Variants in PEAK1 observed in about 807,000 individuals in gnomAD.
The protein encoded by PEAK1 is inactive tyrosine-protein kinase PEAK1.
In PEAK1, 54 loss-of-function variants were observed where a neutral mutation model predicts 124.7. That is an observed-to-expected ratio of 0.43 (90% CI 0.35 to 0.54). The LOEUF is 0.54. PEAK1 is among the 20% of genes least tolerant of loss of function. PEAK1 has a pLI of 0.01. For synonymous variants in PEAK1, 719 were observed against 760.0 expected (o/e 0.95, Z 0.89); for missense variants, 2,046 against 2,134.5 (o/e 0.96, Z 0.82).
chr15:77,253,245 T>TGGG (rs59178188), intron 5 of PEAK1, among the ~76,000 whole-genome samples: 22 of 129,806 alleles, frequency 1.7e-4, no homozygotes, highest in South Asian at 2.6e-4. Context: ...TGGTATGCGT[T>TGGG]GGGGGGGGGG....
At chr15:77,301,060 C>T (rs1046718497) in intron 2 of PEAK1, among the ~76,000 whole-genome samples, 3 of 151,976 alleles carry the variant, frequency 2.0e-5, no homozygotes, top group African/African-American at 7.2e-5. Flanking sequence ...GCCATGTTGT[C>T]CAGGCTGGTC....
At chr15:77,207,006 A>C (rs1472957869) in intron 6 of PEAK1, among the ~76,000 whole-genome samples, 10 of 152,106 alleles carry the variant, frequency 6.6e-5, no homozygotes, top group South Asian at 2.1e-4. Flanking sequence ...GAAAAACAAG[A>C]AATGGGGAAA....
Position 77,286,523 on chromosome 15 carries a change from TG to T in PEAK1, c.-602-20del. ...TCTTTTCCTATTAGAAGATGCAAAGTGGGGAAGATATATTAATAAAGGGCAT... is the reference window on the plus strand; with the variant it reads ...TCTTTTCCTATTAGAAGATGCAAAGTGGGAAGATATATTAATAAAGGGCAT... On this transcript the variant is annotated intron_variant, in intron 2 of 9. Coordinates refer to ENST00000682557, the MANE Select transcript of PEAK1 (RefSeq NM_001385026.1). 8.5e-7 allele frequency: 1 copy of T among 1,173,638 alleles called. No individual in the cohort carries two copies. Among genetic ancestry groups the T allele is most frequent in the Non-Finnish European group, 1.1e-6 (1 of 935,330 alleles). The allele number at this position is 1,173,638 out of a possible 1,614,324, so 72.7% of individuals were successfully genotyped here. A position where few individuals can be genotyped will look rare whatever the true frequency, so the allele number is the denominator to read the frequency against.
At chr15:77,231,812 C>T (rs979184798) in intron 6 of PEAK1, among the ~76,000 whole-genome samples, 28 of 152,054 alleles carry the variant, frequency 1.8e-4, no homozygotes, top group African/African-American at 2.7e-4. Context: ...ATAATTGTTA[C>T]ACTCATTTCC....
chr15:77,257,738 C>T (rs913578937), intron 5 of PEAK1, among the ~76,000 whole-genome samples: 43 of 152,174 alleles, frequency 2.8e-4, no homozygotes, highest in African/African-American at 1.0e-3. Flanking sequence ...TTAACTAGAT[C>T]CCATTTGTCA....
chr15:77,290,947 A>T (rs977586036), intron 2 of PEAK1, among the ~76,000 whole-genome samples: 3 of 152,200 alleles, frequency 2.0e-5, no homozygotes, highest in Non-Finnish European at 4.4e-5. Context: ...GGTCTGTATC[A>T]TTTTTATTTT....
At chr15:77,374,690 C>CT (rs1199599589) in intron 1 of PEAK1, among the ~76,000 whole-genome samples, 1 of 151,976 alleles carries the variant, frequency 6.6e-6, no homozygotes, top group Non-Finnish European at 1.5e-5. Context: ...GAAAAATTGT[C>CT]TTTTATTCAT....
intron 2 of PEAK1, among the ~76,000 whole-genome samples, chr15:77,314,149 G>A (rs1278887074): frequency 1.3e-5 from 2 of 151,746 alleles, no homozygotes; most frequent in Non-Finnish European, 1.5e-5. Flanking sequence ...TTAATATGAG[G>A]GTTTGTGTTA....
chr15:77,369,281 C>A lies in PEAK1; in HGVS notation c.-665-4056G>T, dbSNP rs2068479386. 2.0e-5 allele frequency among the ~76,000 whole-genome samples: 3 copies of A among 152,244 alleles called. No individual in the cohort carries two copies. The Middle Eastern group carries it at 0.01, about 518-fold the overall frequency. On this transcript the variant is annotated intron_variant, in intron 1 of 9. Transcript: ENST00000682557. ...ATAGCACTTAGAAAGACAGCACAAA[C>A]CCAAAACACAAAATTGCCAACACTA...
chr15:77,336,681 T>C (rs1032517244), intron 2 of PEAK1: 1 of 356,008 alleles, frequency 2.8e-6, no homozygotes, highest in African/African-American at 2.2e-5. Context: ...TATACCTCTA[T>C]AAAATAAAAT....
chr15:77,122,821 C>G (rs1050360941), intron 9 of PEAK1, among the ~76,000 whole-genome samples: 2 of 152,198 alleles, frequency 1.3e-5, no homozygotes, highest in African/African-American at 4.8e-5. Flanking sequence ...GGTTTCCCCT[C>G]TAGTTTTTTC....
At chr15:77,130,080 G>C (rs1328426660) in intron 9 of PEAK1, among the ~76,000 whole-genome samples, 1 of 152,130 alleles carries the variant, frequency 6.6e-6, no homozygotes, top group East Asian at 1.9e-4. Context: ...CTGTTCTTTG[G>C]AGATTGGTTT....
intron 2 of PEAK1, among the ~76,000 whole-genome samples, chr15:77,296,095 T>C (rs2063472473): frequency 6.6e-6 from 1 of 152,160 alleles, no homozygotes; most frequent in Non-Finnish European, 1.5e-5. Flanking sequence ...ATTCCCCTTA[T>C]TTTCTTTCAA....
At chr15:77,400,656 A>T (rs1443440157) in intron 1 of PEAK1, among the ~76,000 whole-genome samples, 1 of 152,258 alleles carries the variant, frequency 6.6e-6, no homozygotes, top group Non-Finnish European at 1.5e-5. Context: ...TAATCCCATT[A>T]TAAGTTGAGG....
chr15:77,250,159 A>C, intron 6 of PEAK1, among the ~76,000 whole-genome samples: 1 of 142,392 alleles, frequency 7.0e-6, no homozygotes. Context: ...ATATATACAT[A>C]TATATACATA....
rs111633736 is a variant in PEAK1 at position 77,123,184 on chromosome 15, TG to T, written c.4078-7866del. On this transcript the variant is annotated intron_variant, in intron 9 of 9. Coordinates refer to ENST00000682557, the MANE Select transcript of PEAK1 (RefSeq NM_001385026.1). ...TTAAAGATACCTACTATCCCAATTC[TG>T]GAACTGTTGGAAAATAACTAAAAAA... Among the ~76,000 whole-genome samples, 97 of 152,344 alleles carry T rather than the reference TG, an allele frequency of 6.4e-4. 2 individuals are homozygous for T. The highest frequency in any genetic ancestry group is 2.3e-3 in the African/African-American group (94 of 41,596).
At chr15:77,137,522 G>T (rs35111546) in intron 8 of PEAK1, among the ~76,000 whole-genome samples, 13,928 of 152,266 alleles carry the variant, frequency 0.091, 707 homozygotes, top group Admixed American at 0.1. Flanking sequence ...GAGATCATTT[G>T]GGAACTTTAA....
At chr15:77,257,007 G>A (rs1383721289) in intron 5 of PEAK1, among the ~76,000 whole-genome samples, 1 of 151,956 alleles carries the variant, frequency 6.6e-6, no homozygotes, top group Admixed American at 6.6e-5. Flanking sequence ...ATAGTATACT[G>A]AGAATGATGA....
intron 6 of PEAK1, among the ~76,000 whole-genome samples, chr15:77,182,453 A>G (rs996452093): frequency 6.6e-6 from 1 of 152,016 alleles, no homozygotes; most frequent in African/African-American, 2.4e-5. Flanking sequence ...ATGCATTGAA[A>G]ATGAAGCTTC....
Sources: gnomAD v4.1 joint callset for allele counts (sites outside exome capture counted in the v4.1 genomes callset) on GRCh38, gnomAD v4.1.1 for gene constraint, MANE v1.5 for transcripts, NCBI Gene and HGNC (gene_info 2026-07-23, HGNC 2026-07-21) for gene names.